Variants in SBNO1 observed in about 807,000 individuals in gnomAD.
SBNO1 encodes protein strawberry notch homolog 1.
SBNO1 carries 23 observed loss-of-function variants against 173.6 expected under a neutral mutation model. The observed-to-expected ratio is 0.13, with a 90% CI of 0.10 to 0.19. The LOEUF is 0.19. Ranked by LOEUF, SBNO1 falls within the 10% of genes least tolerant of loss-of-function variation. The pLI, the probability that SBNO1 is intolerant of heterozygous loss-of-function variation, is 1.00. For synonymous variants in SBNO1, 632 were observed against 571.5 expected, an observed-to-expected ratio of 1.11 and a Z score of -1.51; for missense variants, 1,238 against 1,671.2, an observed-to-expected ratio of 0.74 and a Z score of 4.52.
Position 123,320,839 on chromosome 12 carries a change from T to C in SBNO1, c.2351A>G (p.Lys784Arg). Residue 784 changes from lysine to arginine, a missense_variant, in exon 18 of 32, where the codon AAG (lysine) becomes AGG (arginine). This residue lies in a region of SBNO1 where 33 missense variants were observed against 29.6 expected (regional missense o/e 1.11). Transcript: ENST00000602398. Reference sequence around the variant, plus strand: ...CTTCTTTTTTTTCTCTTTGTTTTTCTTGTGGTCTTTTCTAATTAACCAGGG... The same window carrying C: ...CTTCTTTTTTTTCTCTTTGTTTTTCCTGTGGTCTTTTCTAATTAACCAGGG... ...NDPWLIRKDH[K>R]KNKEKKKKKS... 6.3e-7 allele frequency: 1 copy of C among 1,589,342 alleles called. No individual in the cohort carries two copies.
At chr12:123,364,066 G>A in intron 1 of SBNO1, 1 of 985,482 alleles carries the variant, frequency 1.0e-6, no homozygotes. Context: ...TCTGGGAGGT[G>A]AGCTCGCCCG....
At chr12:123,313,287 A>T (rs966390239) in intron 24 of SBNO1, among the ~76,000 whole-genome samples, 78 of 150,166 alleles carry the variant, frequency 5.2e-4, no homozygotes, top group African/African-American at 1.5e-3. Flanking sequence ...TAAAAAAAAT[A>T]AAATAAATAA....
chr12:123,353,013 G>T (rs1261701842), intron 1 of SBNO1, among the ~76,000 whole-genome samples: 1 of 152,166 alleles, frequency 6.6e-6, no homozygotes, highest in African/African-American at 2.4e-5. Context: ...GCCCAGGCTG[G>T]TCTCAAACTC....
chr12:123,337,672 C>T (rs1048128669), intron 5 of SBNO1, among the ~76,000 whole-genome samples: 1 of 152,046 alleles, frequency 6.6e-6, no homozygotes, highest in African/African-American at 2.4e-5. Flanking sequence ...TTCGGAAATT[C>T]GAGACAAAAC....
intron 30 of SBNO1, among the ~76,000 whole-genome samples, chr12:123,300,360 T>A (rs1290851899): frequency 6.6e-6 from 1 of 152,050 alleles, no homozygotes; most frequent in Non-Finnish European, 1.5e-5. Context: ...AGAGGAAATG[T>A]TTTAGAAAAT....
rs766086142 is a variant in SBNO1 at position 123,311,129 on chromosome 12, T to A, written c.3221A>T (p.Asp1074Val). ...PPDYPGEFFK[D>V]VRQGLIGVGL... is the part of the protein sequence containing the mutation. ...AACGCCTATCAGTCCTTGTCGAACA[T>A]CTGTAAGAACAGGATCAATTCTGAC... Residue 1074 changes from aspartate to valine, a missense_variant and splice_region_variant, in exon 25 of 32, where the codon GAT becomes GTT. Asp to Val is a radical substitution (Grantham distance 152). Transcript: ENST00000602398. 6 of 1,611,006 alleles carry A rather than the reference T, an allele frequency of 3.7e-6. No homozygotes were observed. The South Asian group carries it at 6.6e-5, about 18-fold the overall frequency.
Position 123,323,690 on chromosome 12 carries a change from CTTT to C in SBNO1, c.2112_2114del (p.Ile704_Lys705delinsMet), listed in dbSNP as rs1039258262. 1.2e-6 allele frequency: 2 copies of C among 1,604,998 alleles called. No homozygotes were observed. The highest frequency in any genetic ancestry group is 2.2e-5 in the East Asian group (1 of 44,628). On this transcript the variant is annotated inframe_deletion, in exon 16 of 32. Transcript: ENST00000602398. ...TTTTAAAGTGCTCACCTTTCCGCTT[CTTT>C]ATTTTATTTTCTTTACAAGGACTAT...
intron 30 of SBNO1, among the ~76,000 whole-genome samples, chr12:123,302,322 A>C (rs1490034503): frequency 6.7e-6 from 1 of 150,134 alleles, no homozygotes; most frequent in Non-Finnish European, 1.5e-5. Flanking sequence ...GACTCACTGC[A>C]ACTTCCACCT....
In SBNO1 at chr12:123,309,876, A is replaced by G. The variant is rs1488770019; in HGVS notation, c.3296-20T>C. 6.5e-7 allele frequency: 1 copy of G among 1,545,842 alleles called. No homozygotes were observed. The highest frequency in any genetic ancestry group is 8.8e-7 in the Non-Finnish European group (1 of 1,141,260). On this transcript the variant is annotated intron_variant, in intron 25 of 31. Coordinates refer to ENST00000602398, the MANE Select transcript of SBNO1 (RefSeq NM_001167856.3). The stretch of plus-strand genomic sequence containing the variant: ...TATAATCTGTAATGACAAAAGATAA[A>G]CGTTTTCATGCAAATGATAATTAAA...
intron 16 of SBNO1, among the ~76,000 whole-genome samples, chr12:123,322,758 T>C (rs1870136269): frequency 6.6e-6 from 1 of 151,422 alleles, no homozygotes; most frequent in Admixed American, 6.6e-5. Context: ...ATACAAAAAT[T>C]AGCAGGGCGT....
chr12:123,351,898 G>A (rs1003783284), intron 1 of SBNO1, among the ~76,000 whole-genome samples: 1 of 152,154 alleles, frequency 6.6e-6, no homozygotes, highest in African/African-American at 2.4e-5. Context: ...TGAATGGTTA[G>A]AGTCAGGCCA....
intron 3 of SBNO1, among the ~76,000 whole-genome samples, chr12:123,347,317 C>T (rs890078932): frequency 2.6e-5 from 4 of 151,672 alleles, no homozygotes; most frequent in African/African-American, 9.7e-5. Flanking sequence ...AGTTCTACCT[C>T]CCGGGTACAT....
chr12:123,345,376 G>A lies in SBNO1; in HGVS notation c.432C>T (p.Thr144=). 2 of 1,614,148 alleles carry A rather than the reference G, an allele frequency of 1.2e-6. No homozygotes were observed. Among genetic ancestry groups the A allele is most frequent in the Non-Finnish European group, 1.7e-6 (2 of 1,180,012 alleles). Reference sequence around the variant, plus strand: ...GAACTTGGTCTTTTGAAGGTGCAGAGGTCATGGCATTTCGTACTGTTGGTG... The same window carrying A: ...GAACTTGGTCTTTTGAAGGTGCAGAAGTCATGGCATTTCGTACTGTTGGTG... The part of the protein sequence containing the change: ...VSAPTVRNAM[T]SAPSKDQVQL... The change falls in exon 4 of 32, where the codon ACC becomes ACT. Residue 144 remains threonine (T), a synonymous_variant. Coordinates refer to ENST00000602398, the MANE Select transcript of SBNO1 (RefSeq NM_001167856.3).
At chr12:123,363,390 C>T (rs1435987003) in intron 1 of SBNO1, among the ~76,000 whole-genome samples, 1 of 152,142 alleles carries the variant, frequency 6.6e-6, no homozygotes, top group Non-Finnish European at 1.5e-5. Flanking sequence ...GTACTGTCAG[C>T]TCGCAGAATT....
At chr12:123,314,906 A>AT (rs760653627) in intron 23 of SBNO1, among the ~76,000 whole-genome samples, 1,851 of 129,324 alleles carry the variant, frequency 0.014, 38 homozygotes, top group African/African-American at 0.037. Context: ...TAATTTTTGT[A>AT]TTTTTTTTTT....
chr12:123,298,900 T>C (rs1283666653), intron 30 of SBNO1, among the ~76,000 whole-genome samples: 1 of 152,100 alleles, frequency 6.6e-6, no homozygotes, highest in Non-Finnish European at 1.5e-5. Context: ...GACCAGCCTG[T>C]GCAACATGGC....
chr12:123,327,941 C>T lies in SBNO1; in HGVS notation c.1383G>A (p.Glu461=), dbSNP rs2138992204. The T allele has an allele frequency of 1.2e-6, 2 of 1,613,446 alleles. No homozygotes were observed. The highest frequency in any genetic ancestry group is 2.2e-5 in the East Asian group (1 of 44,858). The change falls in exon 11 of 32, where the codon GAG becomes GAA. Residue 461 remains glutamate (E), a synonymous_variant. Coordinates refer to ENST00000602398, the MANE Select transcript of SBNO1 (RefSeq NM_001167856.3). Reference sequence around the variant, plus strand: ...TGGCTTTTGGCAATTTGTTCTGAAGCTCTAAAACTGCTAAGCCTGTCTTGG... The same window carrying T: ...TGGCTTTTGGCAATTTGTTCTGAAGTTCTAAAACTGCTAAGCCTGTCTTGG... ...KPTKTGLAVL[E]LQNKLPKARV... is the part of the protein sequence containing the mutation.
In SBNO1 at chr12:123,345,270, C is replaced by T. The variant is rs755557437; in HGVS notation, c.538G>A (p.Ala180Thr). 2.5e-6 allele frequency: 4 copies of T among 1,613,026 alleles called. No individual in the cohort carries two copies. Among genetic ancestry groups the T allele is most frequent in the Non-Finnish European group, 2.5e-6 (3 of 1,179,108 alleles). The change falls in exon 4 of 32, where the codon GCA (alanine) becomes ACA (threonine). Residue 180 changes from alanine (A) to threonine (T), a missense_variant. By Grantham distance (58) the Ala-to-Thr change is moderately conservative. This residue lies in a region of SBNO1 where 287 missense variants were observed against 274.1 expected (regional missense o/e 1.05). Transcript: ENST00000602398. ...AAAACAGACTTACTAGCTGCTGTTG[C>T]TACTGGCTGAGCAATATTAGCAGGT... ...KPPANIAQPV[A>T]TAATDVSNGT...
intron 7 of SBNO1, among the ~76,000 whole-genome samples, chr12:123,331,824 T>G (rs551193771): frequency 1.4e-5 from 2 of 145,302 alleles, no homozygotes; most frequent in Admixed American, 1.4e-4. Context: ...CCAGCCAAAT[T>G]TTATAGTTTT....
Sources: gnomAD v4.1 joint callset for allele counts (sites outside exome capture counted in the v4.1 genomes callset) on GRCh38, gnomAD v4.1.1 for gene constraint, gnomAD v4.1.1 regional missense constraint, MANE v1.5 for transcripts, NCBI Gene and HGNC (gene_info 2026-07-23, HGNC 2026-07-21) for gene names.